The following AKT2 variants were observed in gnomAD, a reference collection of about 807,000 sequenced individuals.
The protein encoded by AKT2 is RAC-beta serine/threonine-protein kinase.
Under a neutral mutation model 58.6 loss-of-function variants are expected in AKT2, and 16 were observed. The ratio of observed to expected loss-of-function variants is 0.27; its 90% confidence interval spans 0.18 to 0.41. The LOEUF (loss-of-function observed/expected upper bound fraction) is 0.41, where lower values mean the gene tolerates loss of function less well. Among genes scored for constraint, AKT2 ranks in the 10% least tolerant of loss-of-function variants. AKT2 has a pLI of 1.00. For missense variants in AKT2, 438 were observed against 661.0 expected (o/e 0.66, Z 3.70); for synonymous variants, 253 against 254.0 (o/e 1.00, Z 0.04).
intron 1 of AKT2, chr19:40,266,075 C>T (rs749168435): frequency 6.6e-6 from 1 of 152,528 alleles, no homozygotes; most frequent in South Asian, 2.1e-4. Context: ...CTGATCCCTA[C>T]CCCAAGACCT....
chr19:40,239,025 G>A (rs1388081942), intron 7 of AKT2, 52 bp from the exon 8 acceptor site: 3 of 1,586,708 alleles, frequency 1.9e-6, no homozygotes, highest in Non-Finnish European at 2.6e-6. Flanking sequence ...GGGCTCTGCT[G>A]AGCCATGCCA....
At position 40,256,949 on chromosome 19, in the gene AKT2, G is replaced by T; in HGVS notation, c.152C>A (p.Pro51His). Residue 51 changes from proline (P) to histidine (H), a missense_variant, in exon 3 of 14, where the codon CCC becomes CAC. Transcript: ENST00000392038. ...ACCTGCTACGGAGAAGTTGTTTAAGGGGGGTAGAGTCTGATCAGGGGCCTC... is the reference window on the plus strand; with the variant it reads ...ACCTGCTACGGAGAAGTTGTTTAAGTGGGGTAGAGTCTGATCAGGGGCCTC... ...RPEAPDQTLPPLNNFSVAECQ... is the reference protein window; with the variant it reads ...RPEAPDQTLPHLNNFSVAECQ... The T allele has an allele frequency of 1.9e-6, 3 of 1,614,172 alleles. No individual in the cohort carries two copies. The highest frequency in any genetic ancestry group is 2.5e-6 in the Non-Finnish European group (3 of 1,180,012).
chr19:40,231,717 G>C lies in AKT2; in HGVS notation c.*2155C>G, dbSNP rs974467461. 1 of 233,342 alleles carries C rather than the reference G, an allele frequency of 4.3e-6. No homozygotes were observed. Among genetic ancestry groups the C allele is most frequent in the South Asian group, 1.8e-4 (1 of 5,534 alleles). The allele number at this position is 233,342 out of a possible 1,614,324, so 14.5% of individuals were successfully genotyped here. On this transcript the variant is annotated 3_prime_UTR_variant, in exon 14 of 14. Coordinates refer to ENST00000392038, the MANE Select transcript of AKT2 (RefSeq NM_001626.6). ...CATGCAGCCACGTGACTCAAGCACG[G>C]GAAGTGCAGGGGCCCAGACACATCC...
chr19:40,273,517 A>G (rs2077255774), intron 1 of AKT2: 1 of 151,702 alleles, frequency 6.6e-6, no homozygotes, highest in African/African-American at 2.4e-5. Context: ...ACTTCAAAAA[A>G]AAAAAAGAGA....
intron 4 of AKT2, among the ~76,000 whole-genome samples, chr19:40,245,351 C>T (rs1186787109): frequency 6.6e-6 from 1 of 152,136 alleles, no homozygotes; most frequent in East Asian, 1.9e-4. Flanking sequence ...CCAGCCTAGA[C>T]AACATAAGAA....
intron 10 of AKT2, 22 bp downstream of exon 10, chr19:40,236,235 T>C (rs1224218645): frequency 6.2e-7 from 1 of 1,613,372 alleles, no homozygotes; most frequent in Non-Finnish European, 8.5e-7. Context: ...CACACGTTCC[T>C]ACCCCCACCA....
At chr19:40,262,559 T>C (rs1976043097) in intron 2 of AKT2, among the ~76,000 whole-genome samples, 1 of 152,196 alleles carries the variant, frequency 6.6e-6, no homozygotes, top group Admixed American at 6.5e-5. Context: ...GATGTGCTAT[T>C]ACTACACCCT....
Position 40,236,348 on chromosome 19 carries a change from T to C in AKT2, c.869A>G (p.Lys290Arg), listed in dbSNP as rs369596328. 259 of 1,614,092 alleles carry C rather than the reference T, an allele frequency of 1.6e-4. No homozygotes were observed. The highest frequency in any genetic ancestry group is 2.1e-4 in the Non-Finnish European group (250 of 1,180,040). The change falls in exon 10 of 14, where the codon AAG becomes AGG. Residue 290 changes from lysine (K) to arginine (R), a missense_variant. This residue lies in a region of AKT2 where 46 missense variants were observed against 114.5 expected (regional missense o/e 0.40). Transcript: ENST00000392038. ...NLMLDKDGHI[K>R]ITDFGLCKEG... ...TTTGCAGAGGCCAAAGTCAGTGATC[T>C]TGATGTGGCCATCTTTGTCCAGCAT...
In AKT2 at chr19:40,235,826, C is replaced by T; in HGVS notation, c.1175+64G>A. ...AGCACCCTTGTGGACGCTGCCCCCT[C>T]CAGGCCGCAGGGACAGTGGCAGCAG... On this transcript the variant is annotated intron_variant, in intron 11 of 13. Coordinates refer to ENST00000392038, the MANE Select transcript of AKT2 (RefSeq NM_001626.6). The surrounding 1 kb of genome is among the most constrained non-coding windows in gnomAD (Gnocchi z 6.3). 1 of 1,512,882 alleles carries T rather than the reference C, an allele frequency of 6.6e-7. No homozygotes were observed. The highest frequency in any genetic ancestry group is 8.9e-7 in the Non-Finnish European group (1 of 1,121,084). The allele number at this position is 1,512,882 out of a possible 1,614,324, so 93.7% of individuals were successfully genotyped here. A position where few individuals can be genotyped will look rare whatever the true frequency, so the allele number is the denominator to read the frequency against.
At chr19:40,280,525 C>A (rs2145434510) in intron 1 of AKT2, among the ~76,000 whole-genome samples, 1 of 152,302 alleles carries the variant, frequency 6.6e-6, no homozygotes, top group South Asian at 2.1e-4. Flanking sequence ...CACCCTGAAT[C>A]TGACCAGGCT....
Position 40,231,856 on chromosome 19 carries a change from G to A in AKT2, c.*2016C>T, listed in dbSNP as rs1973717893. The A allele has an allele frequency of 4.3e-6, 1 of 233,508 alleles. No individual in the cohort carries two copies. The highest frequency in any genetic ancestry group is 5.6e-5 in the Admixed American group (1 of 17,808). The allele number at this position is 233,508 out of a possible 1,614,324, so 14.5% of individuals were successfully genotyped here. A position where few individuals can be genotyped will look rare whatever the true frequency, so the allele number is the denominator to read the frequency against. ...CACGCCACCATGAACACACCACTGG[G>A]TCTGTACTGGAATTTGGGGGCCTCA... On this transcript the variant is annotated 3_prime_UTR_variant, in exon 14 of 14. Transcript: ENST00000392038.
At chr19:40,247,653 G>C (rs138202842) in intron 4 of AKT2, among the ~76,000 whole-genome samples, 399 of 152,286 alleles carry the variant, frequency 2.6e-3, no homozygotes, top group Non-Finnish European at 4.4e-3. Flanking sequence ...GCTTTTCAGA[G>C]AGGGGCCCCC....
chr19:40,264,180 G>T (rs1389150279), intron 2 of AKT2, among the ~76,000 whole-genome samples: 1 of 152,168 alleles, frequency 6.6e-6, no homozygotes, highest in Non-Finnish European at 1.5e-5. Context: ...AGTGCACACA[G>T]GGCAGCCAAC....
Position 40,231,684 on chromosome 19 carries a change from C to T in AKT2, c.*2188G>A, listed in dbSNP as rs1010816055. The T allele has an allele frequency of 1.7e-5, 4 of 233,362 alleles. No individual in the cohort carries two copies. Among genetic ancestry groups the T allele is most frequent in the South Asian group, 1.8e-4 (1 of 5,536 alleles). 14.5% of individuals were successfully genotyped at this position (233,362 alleles called of 1,614,324 possible). On this transcript the variant is annotated 3_prime_UTR_variant, in exon 14 of 14. Transcript: ENST00000392038. ...TGGGGGAGGTGTTCCATCCGGCCAG[C>T]GCCCGGCCATGCAGCCACGTGACTC...
Position 40,235,862 on chromosome 19 carries a change from G to A in AKT2, c.1175+28C>T, listed in dbSNP as rs774005474. On this transcript the variant is annotated intron_variant, in intron 11 of 13. Transcript: ENST00000392038. The surrounding 1 kb of genome is among the most constrained non-coding windows in gnomAD (Gnocchi z 6.3). ...GGACAGTGGCAGCAGCTGGCGCTGG[G>A]CTGGGTGGGGCCGACGCCAGCCCTC... 2 of 1,590,056 alleles carry A rather than the reference G, an allele frequency of 1.3e-6. No homozygotes were observed. The highest frequency in any genetic ancestry group is 1.7e-6 in the Non-Finnish European group (2 of 1,171,096).
chr19:40,267,480 C>A (rs1038858651), intron 1 of AKT2, among the ~76,000 whole-genome samples: 2 of 152,166 alleles, frequency 1.3e-5, no homozygotes, highest in African/African-American at 4.8e-5. Flanking sequence ...CTCTCTCTTC[C>A]TTGAGGTCTC....
Position 40,237,908 on chromosome 19 carries a change from A to C in AKT2, c.831+61T>G. On this transcript the variant is annotated intron_variant, in intron 9 of 13. Transcript: ENST00000392038. This position sits in a 1 kb window ranked among gnomAD's most constrained non-coding sequence, Gnocchi z 4.5. The stretch of plus-strand genomic sequence containing the variant: ...GGCAGAAGCTCAGCCCAACTTCCCC[A>C]GTGTGAGTCCCATGTGGTGTGCATG... 1.9e-6 allele frequency: 3 copies of C among 1,604,776 alleles called. No individual in the cohort carries two copies. Among genetic ancestry groups the C allele is most frequent in the Non-Finnish European group, 2.5e-6 (3 of 1,176,496 alleles).
intron 1 of AKT2, chr19:40,275,167 G>C: frequency 2.2e-6 from 1 of 456,880 alleles, no homozygotes; most frequent in South Asian, 1.5e-5. Flanking sequence ...GCCCTGAGCT[G>C]CCTCCACCTC....
intron 4 of AKT2, among the ~76,000 whole-genome samples, chr19:40,246,790 A>T (rs1974779221): frequency 6.6e-6 from 1 of 152,246 alleles, no homozygotes; most frequent in South Asian, 2.1e-4. Context: ...AATCAGGAGC[A>T]CAGGCCCTGG....
Sources: gnomAD v4.1 joint callset for allele counts (sites outside exome capture counted in the v4.1 genomes callset) on GRCh38, gnomAD v4.1.1 for gene constraint, gnomAD v4.1.1 regional missense constraint, Gnocchi (gnomAD v3.1) non-coding constraint, MANE v1.5 for transcripts, NCBI Gene and HGNC (gene_info 2026-07-23, HGNC 2026-07-21) for gene names.